Variants in CES5A observed in about 807,000 individuals in gnomAD.
The protein encoded by CES5A is carboxylesterase 5.
In CES5A, 67 loss-of-function variants were observed where a neutral mutation model predicts 62.9. The observed-to-expected ratio is 1.07, with a 90% CI of 0.88 to 1.31. The LOEUF (loss-of-function observed/expected upper bound fraction) is 1.31, where lower values mean the gene tolerates loss of function less well. Ranked by LOEUF, CES5A falls within the 50% of genes most tolerant of loss-of-function variation. The probability of loss-of-function intolerance (pLI) is 0.00; values close to 1 mark genes in which losing one functional copy is unlikely to be tolerated. For missense variants in CES5A, 748 were observed against 708.5 expected (o/e 1.06, Z -0.63); for synonymous variants, 296 against 280.8 (o/e 1.05, Z -0.54).
upstream of CES5A, among the ~76,000 whole-genome samples, chr16:55,878,957 C>T (rs1402850796): frequency 2.0e-5 from 3 of 146,684 alleles, no homozygotes; most frequent in South Asian, 4.5e-4. Context: ...CATCACTGCA[C>T]CCCATTTCTA....
At chr16:55,888,398 G>A (rs958666159) in intron 1 of CES5A, among the ~76,000 whole-genome samples, 5 of 152,210 alleles carry the variant, frequency 3.3e-5, no homozygotes, top group Non-Finnish European at 7.3e-5. Flanking sequence ...GCAAGAACCA[G>A]TGGATAAAGG....
intron 1 of CES5A, among the ~76,000 whole-genome samples, chr16:55,895,002 A>G (rs1322768565): frequency 2.0e-5 from 3 of 152,320 alleles, no homozygotes; most frequent in East Asian, 3.9e-4. Flanking sequence ...AATCTAGAAG[A>G]CCACGTGCTT....
intron 1 of CES5A, among the ~76,000 whole-genome samples, chr16:55,912,488 G>A (rs1424856625): frequency 6.6e-5 from 10 of 152,022 alleles, no homozygotes; most frequent in Non-Finnish European, 1.5e-4. Flanking sequence ...AGGAGAAGGA[G>A]GAGGAGGACG....
rs78623322 is a variant in CES5A, at chr16:55,889,837, T to C, written c.-255-15800A>G. Among the ~76,000 whole-genome samples, 7 of 152,306 alleles carry C rather than the reference T, an allele frequency of 4.6e-5. No homozygotes were observed. In the East Asian group the frequency reaches 1.4e-3, roughly 29 times the overall value. ...AGCCCCCAGCCATCAGTCATCTCAT[T>C]AGAATACAAAAGACACTCTTATTGC... On this transcript the variant is annotated intron_variant, in intron 1 of 12. Transcript: ENST00000518005.
chr16:55,935,190 G>T (rs976990870), intron 2 of CES5A, among the ~76,000 whole-genome samples: 1 of 152,162 alleles, frequency 6.6e-6, no homozygotes, highest in Non-Finnish European at 1.5e-5. Context: ...TGATCCACCC[G>T]CCTTGGCCTC....
intron 1 of CES5A, among the ~76,000 whole-genome samples, chr16:55,954,260 G>A (rs1295758979): frequency 1.3e-5 from 2 of 152,194 alleles, no homozygotes; most frequent in African/African-American, 4.8e-5. Flanking sequence ...GCCAGGCTTT[G>A]CAGGTTCGGT....
intron 1 of CES5A, among the ~76,000 whole-genome samples, chr16:55,900,167 G>A (rs758625168): frequency 5.3e-5 from 8 of 152,230 alleles, no homozygotes; most frequent in Non-Finnish European, 7.4e-5. Context: ...CTCCAACCAC[G>A]GGAAATGGCT....
chr16:55,866,658 TAA>T (rs369679801), intron 4 of CES5A, among the ~76,000 whole-genome samples: 20 of 82,836 alleles, frequency 2.4e-4, no homozygotes, highest in African/African-American at 5.6e-4. Flanking sequence ...CTGTCTCTGC[TAA>T]AAAAAAAAAA....
intron 1 of CES5A, among the ~76,000 whole-genome samples, chr16:55,885,358 G>A (rs77612819): frequency 2.0e-4 from 31 of 152,208 alleles, no homozygotes; most frequent in Admixed American, 7.9e-4. Context: ...GACCACTTTC[G>A]TTGGTCTGAG....
chr16:55,890,923 C>A (rs1156268375), intron 1 of CES5A, among the ~76,000 whole-genome samples: 1 of 152,170 alleles, frequency 6.6e-6, no homozygotes, highest in East Asian at 1.9e-4. Flanking sequence ...ATGTTCAATT[C>A]TTTGCCTTCT....
At position 55,873,914 on chromosome 16, in the gene CES5A, G is replaced by A. The variant is rs114783773; in HGVS notation, c.197C>T (p.Pro66Leu). The change falls in exon 2 of 13, where the codon CCG (proline) becomes CTG (leucine). Residue 66 changes from proline (P) to leucine (L), a missense_variant. By Grantham distance (98) the Pro-to-Leu change is moderately conservative. Transcript: ENST00000290567. ...VFLGVPFAAP[P>L]LGSLRFTNPQ... Reference sequence around the variant, plus strand: ...GTTCGTAAATCGCAGGGATCCCAGCGGGGGAGCAGCAAAGGGGACTCCGAG... The same window carrying A: ...GTTCGTAAATCGCAGGGATCCCAGCAGGGGAGCAGCAAAGGGGACTCCGAG... 250 of 1,613,844 alleles carry A rather than the reference G, an allele frequency of 1.5e-4. 1 individual carries two copies. The African/African-American group carries it at 2.7e-3, about 17-fold the overall frequency.
chr16:55,884,557 C>A (rs2033794942), intron 1 of CES5A, among the ~76,000 whole-genome samples: 1 of 152,042 alleles, frequency 6.6e-6, no homozygotes, highest in Non-Finnish European at 1.5e-5. Context: ...GTCCCCTGGC[C>A]TGCAGAAGAG....
At position 55,866,050 on chromosome 16, in the gene CES5A, G is replaced by A; in HGVS notation, c.618C>T (p.Val206=). 1 of 1,614,168 alleles carries A rather than the reference G, an allele frequency of 6.2e-7. No individual in the cohort carries two copies. The highest frequency in any genetic ancestry group is 8.5e-7 in the Non-Finnish European group (1 of 1,180,016). The change falls in exon 5 of 13, where the codon GTC becomes GTT. Residue 206 remains valine, a synonymous_variant. Transcript: ENST00000290567. ...FKDQVAALSW[V]QKNIEFFGGD... ...CACCGAAGAACTCGATGTTCTTCTG[G>A]ACCCAGGACAGAGCAGCCACCTGGT...
chr16:55,874,406 C>G (rs548252606), intron 1 of CES5A, among the ~76,000 whole-genome samples: 1 of 152,148 alleles, frequency 6.6e-6, no homozygotes, highest in Non-Finnish European at 1.5e-5. Flanking sequence ...GGGGTTCCTA[C>G]ACTTCTGTCA....
At chr16:55,902,663 C>T (rs1401873122) in intron 1 of CES5A, among the ~76,000 whole-genome samples, 1 of 152,154 alleles carries the variant, frequency 6.6e-6, no homozygotes, top group Non-Finnish European at 1.5e-5. Context: ...GAGTCCTGAA[C>T]CCAGGGAATT....
At chr16:55,945,945 C>T (rs1282473853) in intron 2 of CES5A, among the ~76,000 whole-genome samples, 1 of 152,096 alleles carries the variant, frequency 6.6e-6, no homozygotes, top group Non-Finnish European at 1.5e-5. Context: ...ATTTGACCCT[C>T]CTGAGCAATT....
chr16:55,913,246 C>T (rs2034113236), intron 1 of CES5A, among the ~76,000 whole-genome samples: 1 of 151,964 alleles, frequency 6.6e-6, no homozygotes, highest in Non-Finnish European at 1.5e-5. Context: ...GTTTTTCTTG[C>T]TGTCTTCTGT....
At chr16:55,852,829 G>A (rs1597110507) in intron 10 of CES5A, 52 bp downstream of exon 10, 2 of 1,570,304 alleles carry the variant, frequency 1.3e-6, no homozygotes, top group East Asian at 4.6e-5. Flanking sequence ...GATTTCCGTG[G>A]CCACCAGCCT....
At chr16:55,852,525 C>T (rs2033152703) in intron 10 of CES5A, among the ~76,000 whole-genome samples, 1 of 152,166 alleles carries the variant, frequency 6.6e-6, no homozygotes, top group Non-Finnish European at 1.5e-5. Flanking sequence ...TCCATTACTC[C>T]TTATAGCTGT....
Sources: gnomAD v4.1 joint callset for allele counts (sites outside exome capture counted in the v4.1 genomes callset) on GRCh38, gnomAD v4.1.1 for gene constraint, MANE v1.5 for transcripts, NCBI Gene and HGNC (gene_info 2026-07-23, HGNC 2026-07-21) for gene names.